Variants in MIB1 observed in about 807,000 individuals in gnomAD.
MIB1 encodes MIB E3 ubiquitin protein ligase 1.
In MIB1, 278 loss-of-function variants were observed where a neutral mutation model predicts 124.5. The ratio of observed to expected loss-of-function variants is 2.23; its 90% CI spans 2.02 to 2.47. The LOEUF is 2.47. Ranked by LOEUF, MIB1 falls within the 30% of genes most tolerant of loss-of-function variation. The pLI, the probability that MIB1 is intolerant of heterozygous loss-of-function variation, is 0.00. For missense variants in MIB1, 957 were observed against 1,254.4 expected (o/e 0.76, Z 3.58); for synonymous variants, 446 against 429.4 (o/e 1.04, Z -0.48).
chr18:21,757,451 C>CAAAAAAA (rs1202189616), intron 1 of MIB1, among the ~76,000 whole-genome samples: 2 of 13,280 alleles, frequency 1.5e-4, no homozygotes, highest in African/African-American at 3.3e-4. Context: ...GACTCTGTCT[C>CAAAAAAA]AAAAAAAAAA....
At chr18:21,737,907 T>TA (rs1195153357), upstream of MIB1, among the ~76,000 whole-genome samples, 1 of 152,174 alleles carries the variant, frequency 6.6e-6, no homozygotes, top group Non-Finnish European at 1.5e-5. Flanking sequence ...CAAAGAGACT[T>TA]AGACTCCCAC....
At chr18:21,772,593 A>G (rs1461556292) in intron 3 of MIB1, among the ~76,000 whole-genome samples, 1 of 152,228 alleles carries the variant, frequency 6.6e-6, no homozygotes, top group African/African-American at 2.4e-5. Flanking sequence ...TTTGAAATCT[A>G]AAACATTTCT....
chr18:21,758,212 C>T (rs2041056834), intron 1 of MIB1, among the ~76,000 whole-genome samples: 1 of 152,118 alleles, frequency 6.6e-6, no homozygotes, highest in South Asian at 2.1e-4. Context: ...TAACAACAAT[C>T]CTATTTTCAT....
At chr18:21,856,187 G>A (rs1254500701) in intron 18 of MIB1, among the ~76,000 whole-genome samples, 3 of 144,924 alleles carry the variant, frequency 2.1e-5, no homozygotes, top group South Asian at 2.1e-4. Context: ...CTGAGATTGC[G>A]CCACTGCAGT....
chr18:21,841,165 A>G (rs2042085390), intron 13 of MIB1, among the ~76,000 whole-genome samples: 1 of 152,156 alleles, frequency 6.6e-6, no homozygotes, highest in South Asian at 2.1e-4. Flanking sequence ...CAGGAGTTTG[A>G]TACCAGCCTG....
chr18:21,757,766 G>T (rs2041051149), intron 1 of MIB1, among the ~76,000 whole-genome samples: 1 of 151,812 alleles, frequency 6.6e-6, no homozygotes, highest in East Asian at 1.9e-4. Flanking sequence ...GATTACAGAT[G>T]TGAGCCACCA....
chr18:21,715,807 A>G (rs1360936398), intron 1 of MIB1, among the ~76,000 whole-genome samples: 2 of 152,142 alleles, frequency 1.3e-5, no homozygotes, highest in Non-Finnish European at 2.9e-5. Context: ...CAATCCAACA[A>G]AAACAAAGAA....
Position 21,773,621 on chromosome 18 carries a change from T to C in MIB1, c.532-3T>C, listed in dbSNP as rs1303571854. ...CTTCTTTTCTCAAAAACTATTCTGT[T>C]AGGTAACAGAAATCCAGGACTGGAG... is the stretch of plus-strand genomic sequence containing the variant. On this transcript the variant is annotated splice_polypyrimidine_tract_variant and splice_region_variant and intron_variant, in intron 3 of 20. Coordinates refer to ENST00000261537, the MANE Select transcript of MIB1 (RefSeq NM_020774.4). 5.6e-6 allele frequency: 9 copies of C among 1,599,820 alleles called. No individual in the cohort carries two copies. The highest frequency in any genetic ancestry group is 6.0e-6 in the Non-Finnish European group (7 of 1,173,296).
At chr18:21,753,086 ATTAT>A (rs2040993033) in intron 1 of MIB1, among the ~76,000 whole-genome samples, 1 of 152,226 alleles carries the variant, frequency 6.6e-6, no homozygotes, top group South Asian at 2.1e-4. Context: ...AGACTAAAAA[ATTAT>A]TTATGGAAAA....
chr18:21,788,923 T>C (rs1323957455), intron 6 of MIB1, among the ~76,000 whole-genome samples: 1 of 152,218 alleles, frequency 6.6e-6, no homozygotes, highest in African/African-American at 2.4e-5. Context: ...GCAAGACTTG[T>C]ACAGTGAAAA....
At chr18:21,730,332 C>T (rs907472993) in intron 1 of MIB1, among the ~76,000 whole-genome samples, 2 of 152,100 alleles carry the variant, frequency 1.3e-5, no homozygotes, top group African/African-American at 2.4e-5. Flanking sequence ...TTCGGGAGGC[C>T]GAGGCGGGTG....
intron 1 of MIB1, among the ~76,000 whole-genome samples, chr18:21,706,600 C>G (rs1472883221): frequency 6.6e-6 from 1 of 152,158 alleles, no homozygotes; most frequent in Non-Finnish European, 1.5e-5. Flanking sequence ...CTCGGCGGGC[C>G]CTGCACTCTG....
chr18:21,791,411 A>G lies in MIB1; in HGVS notation c.946A>G (p.Ile316Val). ...TCCTGCTGTTCTCACTAAAGCGAAC[A>G]TTGTCCGAAGTGGAGATGCTGCTCA... is the stretch of plus-strand genomic sequence containing the variant. ...FNPAVLTKAN[I>V]VRSGDAAQGA... Residue 316 changes from isoleucine (I) to valine (V), a missense_variant, in exon 7 of 21, where the codon ATT becomes GTT. Coordinates refer to ENST00000261537, the MANE Select transcript of MIB1 (RefSeq NM_020774.4). 3 of 1,613,750 alleles carry G rather than the reference A, an allele frequency of 1.9e-6. No individual in the cohort carries two copies. The highest frequency in any genetic ancestry group is 2.5e-6 in the Non-Finnish European group (3 of 1,179,820).
chr18:21,773,344 A>G (rs922841230), intron 3 of MIB1, among the ~76,000 whole-genome samples: 2 of 152,128 alleles, frequency 1.3e-5, no homozygotes, highest in Non-Finnish European at 2.9e-5. Flanking sequence ...TTTCTATCAA[A>G]TTCTATTTTC....
At chr18:21,782,479 C>G (rs2041381553) in intron 6 of MIB1, among the ~76,000 whole-genome samples, 2 of 151,850 alleles carry the variant, frequency 1.3e-5, no homozygotes, top group South Asian at 2.2e-4. Flanking sequence ...ACTGCTTTTT[C>G]TGTATTTCAT....
At chr18:21,856,897 G>A (rs2042233875) in intron 18 of MIB1, among the ~76,000 whole-genome samples, 1 of 152,166 alleles carries the variant, frequency 6.6e-6, no homozygotes, top group Non-Finnish European at 1.5e-5. Flanking sequence ...TTATTCAGCT[G>A]TATTGGAAAA....
intron 10 of MIB1, among the ~76,000 whole-genome samples, chr18:21,809,263 G>A (rs977402612): frequency 6.6e-6 from 1 of 152,040 alleles, no homozygotes; most frequent in Admixed American, 6.6e-5. Flanking sequence ...AGATTGAATC[G>A]ATAGTTGAAA....
chr18:21,727,316 A>G (rs987040585), intron 1 of MIB1, among the ~76,000 whole-genome samples: 1 of 152,154 alleles, frequency 6.6e-6, no homozygotes, highest in Non-Finnish European at 1.5e-5. Flanking sequence ...GTGTTTTAGT[A>G]GAGTTGGGAG....
chr18:21,741,879 G>A lies in MIB1; in HGVS notation c.229+67G>A, dbSNP rs1598586529. ...GAAGGGGCGAGCTGCGGTGGGCGTC[G>A]GTGTCGCGGGGAGAGGTCTGCAGTG... On this transcript the variant is annotated intron_variant, in intron 1 of 20. Transcript: ENST00000261537. The surrounding 1 kb of genome is among the most constrained non-coding windows in gnomAD (Gnocchi z 5.4). The A allele has an allele frequency of 7.2e-6, 10 of 1,391,862 alleles. No individual in the cohort carries two copies. Among genetic ancestry groups the A allele is most frequent in the Non-Finnish European group, 9.7e-6 (10 of 1,034,488 alleles). The allele number at this position is 1,391,862 out of a possible 1,614,324, so 86.2% of individuals were successfully genotyped here.
Sources: gnomAD v4.1 joint callset for allele counts (sites outside exome capture counted in the v4.1 genomes callset) on GRCh38, gnomAD v4.1.1 for gene constraint, Gnocchi (gnomAD v3.1) non-coding constraint, MANE v1.5 for transcripts, NCBI Gene and HGNC (gene_info 2026-07-23, HGNC 2026-07-21) for gene names.